Variants in DYRK3 observed in about 807,000 individuals in gnomAD.
DYRK3 encodes dual specificity tyrosine phosphorylation regulated kinase 3.
Under a neutral mutation model 40.8 loss-of-function variants are expected in DYRK3, and 30 were observed. That is an observed-to-expected ratio of 0.74 (90% CI 0.55 to 1.00). DYRK3 has a LOEUF of 1.00. Among genes scored for constraint, DYRK3 ranks in the 50% least tolerant of loss-of-function variants. The pLI, the probability that DYRK3 is intolerant of heterozygous loss-of-function variation, is 0.00. For synonymous variants in DYRK3, 272 were observed against 260.7 expected, an observed-to-expected ratio of 1.04 and a Z score of -0.42; for missense variants, 699 against 731.5, an observed-to-expected ratio of 0.96 and a Z score of 0.51.
rs1489564102 is a variant in DYRK3 at position 206,650,811 on chromosome 1, T to C, written c.*1846T>C. On this transcript the variant is annotated 3_prime_UTR_variant, in exon 3 of 3. Coordinates refer to ENST00000367109, the MANE Select transcript of DYRK3 (RefSeq NM_003582.4). Reference sequence around the variant, plus strand: ...AAAAATGAGAGAGTGCAAATCTCTCTCATTTAAATGTCCACAGTGGCTTTA... The same window carrying C: ...AAAAATGAGAGAGTGCAAATCTCTCCCATTTAAATGTCCACAGTGGCTTTA... Among the ~76,000 whole-genome samples the C allele has an allele frequency of 6.6e-6, 1 of 152,208 alleles. No individual in the cohort carries two copies. Among genetic ancestry groups the C allele is most frequent in the Non-Finnish European group, 1.5e-5 (1 of 68,038 alleles).
intron 2 of DYRK3, among the ~76,000 whole-genome samples, chr1:206,645,766 A>G (rs1671433886): frequency 6.6e-6 from 1 of 150,382 alleles, no homozygotes; most frequent in African/African-American, 2.5e-5. Flanking sequence ...GCCTCAAGTG[A>G]TCTGCCCGTC....
chr1:206,651,208 T>C lies in DYRK3; in HGVS notation c.*2243T>C, dbSNP rs1024688192. Among the ~76,000 whole-genome samples the C allele has an allele frequency of 2.6e-5, 4 of 152,224 alleles. No individual in the cohort carries two copies. Among genetic ancestry groups the C allele is most frequent in the Non-Finnish European group, 2.9e-5 (2 of 68,040 alleles). On this transcript the variant is annotated 3_prime_UTR_variant, in exon 3 of 3. Coordinates refer to ENST00000367109, the MANE Select transcript of DYRK3 (RefSeq NM_003582.4). ...TCCTCTTCTTTATTCATCACTGCCT[T>C]CTTCAAGGGAGGTCTTGAAACTGCC...
chr1:206,647,901 G>A lies in DYRK3; in HGVS notation c.703G>A (p.Val235Met), dbSNP rs782743574. ...RVYDHKLRQY[V>M]ALKMVRNEKR... is the part of the protein sequence containing the mutation. The stretch of plus-strand genomic sequence containing the variant: ...CTATGATCACAAACTTCGACAGTAC[G>A]TGGCCCTAAAAATGGTGCGCAATGA... The change falls in exon 3 of 3, where the codon GTG (valine) becomes ATG (methionine). Residue 235 changes from valine (V) to methionine (M), a missense_variant. Coordinates refer to ENST00000367109, the MANE Select transcript of DYRK3 (RefSeq NM_003582.4). The A allele has an allele frequency of 5.0e-6, 8 of 1,613,970 alleles. No individual in the cohort carries two copies. The Admixed American group carries it at 8.3e-5, about 17-fold the overall frequency.
chr1:206,642,574 A>T lies in DYRK3; in HGVS notation c.189+4813A>T, dbSNP rs558856960. Among the ~76,000 whole-genome samples, 3 of 152,328 alleles carry T rather than the reference A, an allele frequency of 2.0e-5. No homozygotes were observed. In the East Asian group the frequency reaches 5.8e-4, roughly 29 times the overall value. On this transcript the variant is annotated intron_variant, in intron 2 of 2. Transcript: ENST00000367109. Reference sequence around the variant, plus strand: ...ACTGGATTAAGAAAATGTGGCACATATACACCATGGAATACTGTGCAGCCA... The same window carrying T: ...ACTGGATTAAGAAAATGTGGCACATTTACACCATGGAATACTGTGCAGCCA...
Position 206,652,362 on chromosome 1 carries a change from C to T in DYRK3, c.*3397C>T, listed in dbSNP as rs188012785. On this transcript the variant is annotated 3_prime_UTR_variant, in exon 3 of 3. Transcript: ENST00000367109. The stretch of plus-strand genomic sequence containing the variant: ...TTTGTGTTTTTAGTGAGAGTTCTAG[C>T]CAGTACTGTGCCTGAACTTGGGAGA... Among the ~76,000 whole-genome samples, 133 of 152,268 alleles carry T rather than the reference C, an allele frequency of 8.7e-4. No individual in the cohort carries two copies. The highest frequency in any genetic ancestry group is 1.3e-3 in the Non-Finnish European group (88 of 68,018).
In DYRK3 at chr1:206,652,839, T is replaced by C. The variant is rs1428366573; in HGVS notation, c.*3874T>C. Among the ~76,000 whole-genome samples the C allele has an allele frequency of 2.0e-5, 3 of 152,240 alleles. No homozygotes were observed. Among genetic ancestry groups the C allele is most frequent in the African/African-American group, 7.2e-5 (3 of 41,460 alleles). On this transcript the variant is annotated 3_prime_UTR_variant, in exon 3 of 3. Transcript: ENST00000367109. ...TCAGAGTTAGTACAGAAATTCAGAC[T>C]GTCTCTTCCTCAGTTACTGGATTGT...
rs1427874364 is a variant in DYRK3, at chr1:206,650,292, AT to A, written c.*1329del. Among the ~76,000 whole-genome samples the A allele has an allele frequency of 1.3e-5, 2 of 152,188 alleles. No individual in the cohort carries two copies. The highest frequency in any genetic ancestry group is 4.8e-5 in the African/African-American group (2 of 41,446). ...CCTAAATGTGTGCTCTTGGCTGGGTATTAGTGGCTCATGCCTGTAATCCCAG... is the reference window on the plus strand; with the variant it reads ...CCTAAATGTGTGCTCTTGGCTGGGTATAGTGGCTCATGCCTGTAATCCCAG... On this transcript the variant is annotated 3_prime_UTR_variant, in exon 3 of 3. Coordinates refer to ENST00000367109, the MANE Select transcript of DYRK3 (RefSeq NM_003582.4).
rs1553420803 is a variant in DYRK3 at position 206,648,642 on chromosome 1, G to T, written c.1444G>T (p.Asp482Tyr). ...AAAGCGGGGTCCCCCAGGCAGCAAA[G>T]ACTGGGGGACAGCACTGAAAGGGTG... ...GKKRGPPGSK[D>Y]WGTALKGCDD... Residue 482 changes from aspartate to tyrosine, a missense_variant, in exon 3 of 3, where the codon GAC becomes TAC. Physicochemically the swap from Asp to Tyr is radical, Grantham distance 160 (BLOSUM62 -3). Coordinates refer to ENST00000367109, the MANE Select transcript of DYRK3 (RefSeq NM_003582.4). The T allele has an allele frequency of 6.2e-7, 1 of 1,613,848 alleles. No homozygotes were observed. Among genetic ancestry groups the T allele is most frequent in the Non-Finnish European group, 8.5e-7 (1 of 1,179,834 alleles).
In DYRK3 at chr1:206,647,625, C is replaced by G. The variant is rs1553420352; in HGVS notation, c.427C>G (p.Pro143Ala). Residue 143 changes from proline (P) to alanine (A), a missense_variant, in exon 3 of 3, where the codon CCA becomes GCA. Coordinates refer to ENST00000367109, the MANE Select transcript of DYRK3 (RefSeq NM_003582.4). The part of the protein sequence containing the change: ...SKAPKVVPLT[P>A]EQALKQYKHH... ...GGCACCCAAAGTGGTGCCTCTGACT[C>G]CAGAACAAGCCCTGAAGCAATATAA... 7 of 1,614,046 alleles carry G rather than the reference C, an allele frequency of 4.3e-6. No homozygotes were observed. The highest frequency in any genetic ancestry group is 5.9e-6 in the Non-Finnish European group (7 of 1,180,040).
intron 2 of DYRK3, among the ~76,000 whole-genome samples, chr1:206,638,715 C>T (rs1458625714): frequency 6.6e-6 from 1 of 151,914 alleles, no homozygotes; most frequent in Non-Finnish European, 1.5e-5. Flanking sequence ...CATATGTCAT[C>T]AGATGAACAA....
intron 2 of DYRK3, among the ~76,000 whole-genome samples, chr1:206,646,718 G>A (rs1358164901): frequency 6.6e-6 from 1 of 152,192 alleles, no homozygotes; most frequent in African/African-American, 2.4e-5. Flanking sequence ...GGTGCTGGGA[G>A]AACCTGGTGC....
Position 206,648,718 on chromosome 1 carries a change from C to T in DYRK3, c.1520C>T (p.Pro507Leu). 1 of 1,613,952 alleles carries T rather than the reference C, an allele frequency of 6.2e-7. No homozygotes were observed. Among genetic ancestry groups the T allele is most frequent in the Non-Finnish European group, 8.5e-7 (1 of 1,179,940 alleles). Residue 507 changes from proline to leucine, a missense_variant, in exon 3 of 3, where the codon CCC becomes CTC. Coordinates refer to ENST00000367109, the MANE Select transcript of DYRK3 (RefSeq NM_003582.4). ...TTGAAAAGGTGTCTTCACTGGGACC[C>T]CTCTGCCCGCTTGACCCCAGCTCAA... ...EFLKRCLHWD[P>L]SARLTPAQAL...
At chr1:206,639,389 A>G (rs546899530) in intron 2 of DYRK3, among the ~76,000 whole-genome samples, 26 of 151,982 alleles carry the variant, frequency 1.7e-4, no homozygotes, top group Admixed American at 3.3e-4. Flanking sequence ...ACTTGCTGCC[A>G]ATTGGTTCAC....
chr1:206,643,963 G>A lies in DYRK3; in HGVS notation c.190-3425G>A, dbSNP rs1183252511. ...ATTTGATTCACACAACATCCTGCAA[G>A]TAGATATTATTATCCACATCTTACA... On this transcript the variant is annotated intron_variant, in intron 2 of 2. Transcript: ENST00000367109. Among the ~76,000 whole-genome samples, 4 of 146,768 alleles carry A rather than the reference G, an allele frequency of 2.7e-5. No individual in the cohort carries two copies. The South Asian group carries it at 9.3e-4, about 34-fold the overall frequency.
chr1:206,644,631 C>T (rs1002000921), intron 2 of DYRK3, among the ~76,000 whole-genome samples: 1 of 152,188 alleles, frequency 6.6e-6, no homozygotes, highest in Non-Finnish European at 1.5e-5. Context: ...CCTCCACCTC[C>T]CCAGTTCAAG....
rs1230596502 is a variant in DYRK3 at position 206,651,347 on chromosome 1, A to G, written c.*2382A>G. ...TAGGTTTGGGAATTTTGCAGGTGCT[A>G]AATCATCATGGCCAGGAAGATGAAA... On this transcript the variant is annotated 3_prime_UTR_variant, in exon 3 of 3. Transcript: ENST00000367109. Among the ~76,000 whole-genome samples the G allele has an allele frequency of 2.0e-5, 3 of 152,190 alleles. No homozygotes were observed.
chr1:206,647,671 A>T lies in DYRK3; in HGVS notation c.473A>T (p.Glu158Val). The T allele has an allele frequency of 6.2e-7, 1 of 1,614,218 alleles. No homozygotes were observed. The highest frequency in any genetic ancestry group is 8.5e-7 in the Non-Finnish European group (1 of 1,180,032). ...KQYKHHLTAY[E>V]KLEIINYPEI... ...TATAAACACCACCTCACTGCCTATG[A>T]GAAACTGGAAATAATTAATTATCCA... Residue 158 changes from glutamate (E) to valine (V), a missense_variant, in exon 3 of 3, where the codon GAG (glutamate) becomes GTG (valine). By Grantham distance (121) the Glu-to-Val change is moderately radical (BLOSUM62 -2). Coordinates refer to ENST00000367109, the MANE Select transcript of DYRK3 (RefSeq NM_003582.4).
chr1:206,644,321 C>T (rs537466770), intron 2 of DYRK3, among the ~76,000 whole-genome samples: 19 of 152,028 alleles, frequency 1.2e-4, no homozygotes, highest in Non-Finnish European at 2.4e-4. Context: ...AGGCGTGAGC[C>T]ACCACACCTG....
intron 2 of DYRK3, among the ~76,000 whole-genome samples, chr1:206,638,708 ATG>A (rs1671192588): frequency 6.6e-6 from 1 of 151,718 alleles, no homozygotes; most frequent in African/African-American, 2.4e-5. Flanking sequence ...TTTCCTGCAT[ATG>A]TCATCAGATG....
Sources: gnomAD v4.1 joint callset for allele counts (sites outside exome capture counted in the v4.1 genomes callset) on GRCh38, gnomAD v4.1.1 for gene constraint, MANE v1.5 for transcripts, NCBI Gene and HGNC (gene_info 2026-07-23, HGNC 2026-07-21) for gene names.